Variants in HHIPL1 observed in about 807,000 individuals in gnomAD.
The protein encoded by HHIPL1 is HHIP like 1, also known as HHIP-like protein 1.
In HHIPL1, 43 loss-of-function variants were observed where a neutral mutation model predicts 61.8. That is an observed-to-expected ratio of 0.70 (90% CI 0.55 to 0.90). HHIPL1 has a LOEUF of 0.90. Ranked by LOEUF, HHIPL1 falls within the 40% of genes least tolerant of loss-of-function variation. HHIPL1 has a pLI of 0.00. For synonymous variants in HHIPL1, 482 were observed against 515.8 expected, an observed-to-expected ratio of 0.93 and a Z score of 0.89; for missense variants, 1,056 against 1,157.7, an observed-to-expected ratio of 0.91 and a Z score of 1.28.
chr14:99,673,089 C>A (rs2056342893), intron 8 of HHIPL1, among the ~76,000 whole-genome samples: 1 of 152,290 alleles, frequency 6.6e-6, no homozygotes, highest in Non-Finnish European at 1.5e-5. Flanking sequence ...AAAAACCACT[C>A]CGCGAGCCAA....
At chr14:99,651,899 A>AG (rs1174827511) in intron 1 of HHIPL1, among the ~76,000 whole-genome samples, 1 of 152,162 alleles carries the variant, frequency 6.6e-6, no homozygotes, top group East Asian at 1.9e-4. Context: ...GTGCTGATGT[A>AG]GGGGCGGAGG....
chr14:99,643,825 G>A (rs1278093819), upstream of HHIPL1, among the ~76,000 whole-genome samples: 4 of 152,246 alleles, frequency 2.6e-5, no homozygotes, highest in African/African-American at 9.6e-5. Flanking sequence ...CTCTGACAGT[G>A]GCTATCTCCA....
At chr14:99,649,729 A>G (rs2055896143) in intron 1 of HHIPL1, among the ~76,000 whole-genome samples, 3 of 152,322 alleles carry the variant, frequency 2.0e-5, no homozygotes, top group South Asian at 4.1e-4. Flanking sequence ...CCAGGAGGTC[A>G]AGGCTACAGT....
At chr14:99,657,713 A>G (rs1266568829) in intron 3 of HHIPL1, among the ~76,000 whole-genome samples, 1 of 151,924 alleles carries the variant, frequency 6.6e-6, no homozygotes, top group African/African-American at 2.4e-5. Flanking sequence ...ATGCATACAC[A>G]CACATGTACA....
intron 6 of HHIPL1, among the ~76,000 whole-genome samples, chr14:99,667,599 C>A (rs1405987102): frequency 6.6e-6 from 1 of 152,148 alleles, no homozygotes; most frequent in Non-Finnish European, 1.5e-5. Flanking sequence ...CCTACACTCC[C>A]AGCCATGTAC....
chr14:99,675,236 C>A lies in HHIPL1; in HGVS notation c.1959C>A (p.Gly653=). The A allele has an allele frequency of 7.4e-6, 9 of 1,211,698 alleles. No homozygotes were observed. The highest frequency in any genetic ancestry group is 9.2e-6 in the Non-Finnish European group (9 of 975,576). 75.1% of individuals were successfully genotyped at this position (1,211,698 alleles called of 1,614,324 possible). The change falls in exon 9 of 9, where the codon GGC becomes GGA. Residue 653 remains glycine (G), a synonymous_variant. Coordinates refer to ENST00000330710, the MANE Select transcript of HHIPL1 (RefSeq NM_001127258.3). The surrounding 1 kb of genome is among the most constrained non-coding windows in gnomAD (Gnocchi z 5.4). ...CCCAGCAGCCAGGGAGCCGGAGGGG[C>A]GGCGGGCGGCGGCGGGGGCGGCTGA... ...RPTQQPGSRR[G]GGRRRGRLNS...
the HHIPL1 span, among the ~76,000 whole-genome samples, chr14:99,608,716 C>T: frequency 6.6e-6 from 1 of 152,216 alleles, no homozygotes; most frequent in Non-Finnish European, 1.5e-5. Context: ...TGGGCACTTT[C>T]TAGGTACCCA....
chr14:99,613,075 TACA>T, the HHIPL1 span, among the ~76,000 whole-genome samples: 1 of 151,994 alleles, frequency 6.6e-6, no homozygotes, highest in East Asian at 1.9e-4. Context: ...TCCTGTTTGA[TACA>T]ACAACAGCAG....
rs1415874150 is a variant in HHIPL1 at position 99,678,110 on chromosome 14, G to C, written c.*2484G>C. On this transcript the variant is annotated 3_prime_UTR_variant, in exon 9 of 9. Transcript: ENST00000330710. ...ACAGCCTAGATCCCTCGCATGCACA[G>C]TTCATAGTAGGTTTCATGTTCCTAT... 1 of 152,380 alleles carries C rather than the reference G, an allele frequency of 6.6e-6. No homozygotes were observed. Among genetic ancestry groups the C allele is most frequent in the East Asian group, 1.9e-4 (1 of 5,188 alleles). The allele number at this position is 152,380 out of a possible 1,614,324, so 9.4% of individuals were successfully genotyped here. A position where few individuals can be genotyped will look rare whatever the true frequency, so the allele number is the denominator to read the frequency against.
chr14:99,637,185 AATGG>A, the HHIPL1 span, among the ~76,000 whole-genome samples: 8,567 of 108,888 alleles, frequency 0.079, 543 homozygotes, highest in South Asian at 0.13. Context: ...AGAAAGAAAG[AATGG>A]AAGAAAGAAA....
chr14:99,634,977 G>C, the HHIPL1 span, among the ~76,000 whole-genome samples: 4 of 152,310 alleles, frequency 2.6e-5, no homozygotes, highest in Middle Eastern at 3.4e-3. Flanking sequence ...AGCAACGTGA[G>C]GTTGGTCTTG....
At chr14:99,654,017 T>A (rs1238038411) in intron 2 of HHIPL1, among the ~76,000 whole-genome samples, 1 of 151,946 alleles carries the variant, frequency 6.6e-6, no homozygotes, top group Admixed American at 6.5e-5. Context: ...GGCGAAACCC[T>A]GTCTCTACTA....
the HHIPL1 span, among the ~76,000 whole-genome samples, chr14:99,630,212 GCA>G: frequency 6.6e-6 from 1 of 152,216 alleles, no homozygotes; most frequent in Non-Finnish European, 1.5e-5. Context: ...ATTGGGCAGG[GCA>G]CTGAGGCCAT....
chr14:99,622,645 G>A, the HHIPL1 span, among the ~76,000 whole-genome samples: 4 of 152,288 alleles, frequency 2.6e-5, no homozygotes, highest in East Asian at 1.9e-4. Flanking sequence ...TGTGCTGGCC[G>A]TGTCTGCCTA....
At chr14:99,616,100 C>T in the HHIPL1 span, among the ~76,000 whole-genome samples, 3 of 152,310 alleles carry the variant, frequency 2.0e-5, no homozygotes, top group Admixed American at 6.5e-5. Context: ...ACATACACCA[C>T]GGTGGGCCTG....
intron 6 of HHIPL1, among the ~76,000 whole-genome samples, chr14:99,666,396 C>T (rs2056246251): frequency 6.6e-6 from 1 of 152,192 alleles, no homozygotes; most frequent in South Asian, 2.1e-4. Flanking sequence ...CCTGTGTGTG[C>T]AGAGGGTTGG....
Position 99,668,113 on chromosome 14 carries a change from T to G in HHIPL1, c.1649-109T>G, listed in dbSNP as rs2056275061. The G allele has an allele frequency of 1.3e-6, 1 of 744,180 alleles. No individual in the cohort carries two copies. Among genetic ancestry groups the G allele is most frequent in the South Asian group, 1.4e-5 (1 of 69,410 alleles). The allele number at this position is 744,180 out of a possible 1,614,324, so 46.1% of individuals were successfully genotyped here. On this transcript the variant is annotated intron_variant, in intron 6 of 8. Transcript: ENST00000330710. This position sits in a 1 kb window ranked among gnomAD's most constrained non-coding sequence, Gnocchi z 4.7. ...TGGGATGCCTCACGTGATGGCTAGCTGGGGTTGGGGTCTATTTCCAAGCCT... is the reference window on the plus strand; with the variant it reads ...TGGGATGCCTCACGTGATGGCTAGCGGGGGTTGGGGTCTATTTCCAAGCCT...
the HHIPL1 span, chr14:99,625,655 C>G: frequency 2.0e-5 from 3 of 152,196 alleles, no homozygotes; most frequent in African/African-American, 7.2e-5. Context: ...TGGCGGGCAG[C>G]CTCTCCAATG....
chr14:99,623,452 C>T, the HHIPL1 span, among the ~76,000 whole-genome samples: 1 of 151,998 alleles, frequency 6.6e-6, no homozygotes, highest in Admixed American at 6.6e-5. Flanking sequence ...CTTGCTCTGT[C>T]CCCCAGGCTG....
Sources: allele counts gnomAD v4.1 joint callset (sites outside exome capture counted in the v4.1 genomes callset), GRCh38; gene constraint gnomAD v4.1.1; non-coding constraint Gnocchi (gnomAD v3.1); transcripts MANE v1.5; gene names NCBI Gene and HGNC (gene_info 2026-07-23, HGNC 2026-07-21).